LPAR1: variants seen among roughly 807,000 people sequenced by gnomAD.
The protein encoded by LPAR1 is LPA receptor 1.
LPAR1 carries 5 observed loss-of-function variants against 23.8 expected under a neutral mutation model. The ratio of observed to expected loss-of-function variants is 0.21; its 90% CI spans 0.11 to 0.44. The LOEUF is 0.44. LPAR1 is among the 20% of genes least tolerant of loss of function. LPAR1 has a pLI of 0.99. For missense variants in LPAR1, 311 were observed against 482.8 expected, an observed-to-expected ratio of 0.64 and a Z score of 3.33; for synonymous variants, 160 against 164.7, an observed-to-expected ratio of 0.97 and a Z score of 0.22.
At chr9:110,971,944 G>T in intron 4 of LPAR1, 129 bp downstream of exon 4, 2 of 795,284 alleles carry the variant, frequency 2.5e-6, no homozygotes, top group Non-Finnish European at 2.1e-6. Context: ...ACCATTATTC[G>T]AATACACACC....
At chr9:110,892,556 C>G (rs889392368) in intron 5 of LPAR1, among the ~76,000 whole-genome samples, 1 of 151,794 alleles carries the variant, frequency 6.6e-6, no homozygotes, top group African/African-American at 2.4e-5. Flanking sequence ...CCCAGCTGCT[C>G]AGGAGGCTGA....
intron 4 of LPAR1, among the ~76,000 whole-genome samples, chr9:110,968,051 C>T (rs938735477): frequency 6.6e-6 from 1 of 152,180 alleles, no homozygotes; most frequent in African/African-American, 2.4e-5. Context: ...AATAAACTTG[C>T]TCAATAAAAC....
intron 5 of LPAR1, among the ~76,000 whole-genome samples, chr9:110,897,637 A>G (rs1344934185): frequency 6.6e-6 from 1 of 152,216 alleles, no homozygotes; most frequent in Non-Finnish European, 1.5e-5. Context: ...AGTTAGAGGC[A>G]TCTGTGTTCT....
chr9:110,939,511 T>C (rs2094948226), intron 5 of LPAR1, among the ~76,000 whole-genome samples: 2 of 152,220 alleles, frequency 1.3e-5, no homozygotes, highest in South Asian at 4.1e-4. Flanking sequence ...GTATACTAGT[T>C]TAAATATTAT....
At chr9:111,017,267 T>A (rs1473545360) in intron 2 of LPAR1, among the ~76,000 whole-genome samples, 2 of 152,228 alleles carry the variant, frequency 1.3e-5, no homozygotes, top group African/African-American at 4.8e-5. Context: ...TTATTAAATT[T>A]CACTATATTT....
At chr9:110,943,819 C>A (rs1437350163) in intron 4 of LPAR1, among the ~76,000 whole-genome samples, 1 of 150,104 alleles carries the variant, frequency 6.7e-6, no homozygotes. Flanking sequence ...AAGATCATGC[C>A]ACTGCACTCC....
chr9:110,903,687 T>G (rs935397894), intron 5 of LPAR1, among the ~76,000 whole-genome samples: 1 of 151,918 alleles, frequency 6.6e-6, no homozygotes, highest in Non-Finnish European at 1.5e-5. Context: ...ATTCACATCA[T>G]CAAAGGTCCA....
intron 4 of LPAR1, among the ~76,000 whole-genome samples, chr9:110,949,566 C>G (rs2095503718): frequency 6.6e-6 from 1 of 152,182 alleles, no homozygotes; most frequent in Non-Finnish European, 1.5e-5. Context: ...CATTCTACTT[C>G]CATTTGTTCT....
At position 110,908,305 on chromosome 9, in the gene LPAR1, CT is replaced by C. The variant is rs554907478; in HGVS notation, c.794-32584del. Among the ~76,000 whole-genome samples the C allele has an allele frequency of 5.9e-3, 880 of 148,748 alleles. 6 individuals carry two copies. Among genetic ancestry groups the C allele is most frequent in the African/African-American group, 0.019 (783 of 40,866 alleles). On this transcript the variant is annotated intron_variant, in intron 5 of 5. Coordinates refer to ENST00000683809, the MANE Select transcript of LPAR1 (RefSeq NM_001351411.2). ...TTATAATTCATTAATGCTTAATAAA[CT>C]ATTAACAAATTAATATTAATTAATA...
At chr9:110,914,961 G>A (rs72748148) in intron 5 of LPAR1, among the ~76,000 whole-genome samples, 24,929 of 151,326 alleles carry the variant, frequency 0.16, 2,617 homozygotes, top group Admixed American at 0.24. Context: ...AACAGATTTC[G>A]CAAGTTAAAA....
chr9:110,982,615 T>G (rs2096694009), intron 2 of LPAR1, among the ~76,000 whole-genome samples: 1 of 151,680 alleles, frequency 6.6e-6, no homozygotes, highest in Non-Finnish European at 1.5e-5. Flanking sequence ...CCCCAGAACT[T>G]AAAGTATAAT....
At chr9:111,038,491 C>T (rs2097943603), upstream of LPAR1, 1 of 391,296 alleles carries the variant, frequency 2.6e-6, no homozygotes, top group Non-Finnish European at 5.1e-6. The surrounding 1 kb of genome is among the most constrained non-coding windows in gnomAD (Gnocchi z 4.4). Flanking sequence ...GGCGCGCTGG[C>T]AGGAGGAGGG....
chr9:110,955,775 GA>G (rs1217513435), intron 4 of LPAR1, among the ~76,000 whole-genome samples: 1 of 148,308 alleles, frequency 6.7e-6, no homozygotes, highest in Non-Finnish European at 1.5e-5. Context: ...CAAATACATG[GA>G]ATTAAAAAAA....
chr9:110,892,826 A>AGGAAGGCAGGCAGGC (rs1564386422), intron 5 of LPAR1, among the ~76,000 whole-genome samples: 5 of 65,430 alleles, frequency 7.6e-5, no homozygotes, highest in African/African-American at 3.2e-4. Context: ...GGAAGGAAGG[A>AGGAAGGCAGGCAGGC]AGGCAGGCAG....
Position 110,972,069 on chromosome 9 carries a change from T to G in LPAR1, c.45+4A>C, listed in dbSNP as rs1564207058. ...TCAGACCTCTGCTAGTTTGAAGCCC[T>G]TACCTGGGGCTGTGAAATTACAGGG... On this transcript the variant is annotated splice_donor_region_variant and intron_variant, in intron 4 of 5. Transcript: ENST00000683809. 1.9e-6 allele frequency: 3 copies of G among 1,613,292 alleles called. No homozygotes were observed. The highest frequency in any genetic ancestry group is 2.5e-6 in the Non-Finnish European group (3 of 1,179,376).
At chr9:111,029,920 T>C (rs1318730612) in intron 2 of LPAR1, among the ~76,000 whole-genome samples, 12 of 151,608 alleles carry the variant, frequency 7.9e-5, no homozygotes, top group Admixed American at 7.9e-4. Context: ...CCAGGCATGG[T>C]GGTGCACGCC....
In LPAR1 at chr9:110,990,257, G is replaced by A. The variant is rs1274542567; in HGVS notation, c.-181-16699C>T. 5.3e-5 allele frequency among the ~76,000 whole-genome samples: 8 copies of A among 152,148 alleles called. 2 individuals carry two copies. The South Asian group carries it at 1.5e-3, about 28-fold the overall frequency. ...ACAAGTAGTCAACTTGATCTAATTT[G>A]ACATTTTGAAAAGACTCAACCCAAC... is the stretch of plus-strand genomic sequence containing the variant. On this transcript the variant is annotated intron_variant, in intron 2 of 5. Transcript: ENST00000683809.
At chr9:110,896,629 A>T (rs559367616) in intron 5 of LPAR1, among the ~76,000 whole-genome samples, 95 of 152,256 alleles carry the variant, frequency 6.2e-4, no homozygotes, top group African/African-American at 2.3e-3. Context: ...AGAATAGTAC[A>T]CTAAGGATTA....
intron 2 of LPAR1, among the ~76,000 whole-genome samples, chr9:110,991,579 T>TGATG (rs1554724325): frequency 1.4e-5 from 1 of 72,934 alleles, no homozygotes; most frequent in Admixed American, 1.2e-4. Flanking sequence ...TCTGGTTTGT[T>TGATG]TTGTTGTTGT....
Sources: gnomAD v4.1 joint callset for allele counts (sites outside exome capture counted in the v4.1 genomes callset) on GRCh38, gnomAD v4.1.1 for gene constraint, Gnocchi (gnomAD v3.1) non-coding constraint, MANE v1.5 for transcripts, NCBI Gene and HGNC (gene_info 2026-07-23, HGNC 2026-07-21) for gene names.